DDX4: variants seen among roughly 807,000 people sequenced by gnomAD.
DDX4 encodes DEAD-box helicase 4.
A neutral mutation model predicts 100.0 loss-of-function variants in DDX4; 25 were observed. The ratio of observed to expected loss-of-function variants is 0.25; its 90% CI spans 0.18 to 0.35. The LOEUF is 0.35. DDX4 is among the 10% of genes least tolerant of loss of function. DDX4 has a pLI of 1.00. For synonymous variants in DDX4, 259 were observed against 275.7 expected (o/e 0.94, Z 0.60); for missense variants, 635 against 882.4 (o/e 0.72, Z 3.55).
chr5:55,795,208 G>A (rs1010508011), intron 17 of DDX4, among the ~76,000 whole-genome samples: 11 of 152,114 alleles, frequency 7.2e-5, no homozygotes, highest in East Asian at 3.9e-4. Flanking sequence ...CAGCTGATCC[G>A]TCCGCCTCAG....
intron 3 of DDX4, among the ~76,000 whole-genome samples, chr5:55,752,774 GGTTGA>G (rs1170429746): frequency 2.1e-5 from 3 of 143,034 alleles, no homozygotes; most frequent in Admixed American, 7.3e-5. Context: ...CTTCCACAAT[GGTTGA>G]ACTAGTTTAC....
At chr5:55,793,947 A>G (rs1262055725) in intron 17 of DDX4, among the ~76,000 whole-genome samples, 1 of 152,138 alleles carries the variant, frequency 6.6e-6, no homozygotes, top group Non-Finnish European at 1.5e-5. Context: ...CCCTGGTTTG[A>G]TAGAATGTTA....
intron 2 of DDX4, among the ~76,000 whole-genome samples, chr5:55,742,669 T>C (rs1469987258): frequency 6.6e-6 from 1 of 152,212 alleles, no homozygotes; most frequent in Non-Finnish European, 1.5e-5. Context: ...AATAATGGTT[T>C]ACAGCTAAGT....
chr5:55,773,426 G>C (rs1741371247), intron 7 of DDX4, among the ~76,000 whole-genome samples: 1 of 152,174 alleles, frequency 6.6e-6, no homozygotes, highest in Admixed American at 6.5e-5. Context: ...TGGAATTGCT[G>C]TGTCATGTGC....
intron 10 of DDX4, among the ~76,000 whole-genome samples, chr5:55,783,633 AGATGGATGGATG>A (rs59794903): frequency 2.6e-4 from 38 of 146,756 alleles, no homozygotes; most frequent in South Asian, 1.5e-3. Flanking sequence ...AGGAGGGAGG[AGATGGATGGATG>A]GATGGATGGA....
rs375657173 is a variant in DDX4 at position 55,815,102 on chromosome 5, A to C, written c.1917A>C (p.Arg639Ser). The change falls in exon 20 of 22, where the codon AGA becomes AGC. Residue 639 changes from arginine (R) to serine (S), a missense_variant. Physicochemically the swap from Arg to Ser is moderately radical, Grantham distance 110 (BLOSUM62 -1). Coordinates refer to ENST00000505374, the MANE Select transcript of DDX4 (RefSeq NM_024415.3). ...CTGGTCGTTGTGGGAATACTGGCAG[A>C]GCAATTTCCTTTTTTGATCTTGAAT... Reference protein sequence around the residue: ...GRTGRCGNTGRAISFFDLESD... With the variant: ...GRTGRCGNTGSAISFFDLESD... The C allele has an allele frequency of 9.3e-6, 15 of 1,614,102 alleles. No individual in the cohort carries two copies. The African/African-American group carries it at 1.7e-4, about 19-fold the overall frequency.
chr5:55,801,040 G>A (rs796641654), intron 18 of DDX4, among the ~76,000 whole-genome samples: 10 of 151,998 alleles, frequency 6.6e-5, no homozygotes, highest in African/African-American at 1.4e-4. Context: ...CTTTAGTTAC[G>A]AAAGGAACCA....
In DDX4 at chr5:55,781,877, T is replaced by C. The variant is rs1741933263; in HGVS notation, c.578-57T>C. The C allele has an allele frequency of 4.4e-6, 7 of 1,585,932 alleles. No individual in the cohort carries two copies. In the Admixed American group the frequency reaches 1.2e-4, roughly 27 times the overall value. ...TGAATAGAAATAACAACATGGTTTG[T>C]GTGCTTGAGCAGCAGCTGTGTTTTA... On this transcript the variant is annotated intron_variant, in intron 9 of 21. Coordinates refer to ENST00000505374, the MANE Select transcript of DDX4 (RefSeq NM_024415.3).
rs200885046 is a variant in DDX4 at position 55,779,945 on chromosome 5, G to A, written c.395-19G>A. The A allele has an allele frequency of 2.6e-4, 411 of 1,608,824 alleles. No homozygotes were observed. Among genetic ancestry groups the A allele is most frequent in the Non-Finnish European group, 3.3e-4 (388 of 1,177,698 alleles). On this transcript the variant is annotated intron_variant, in intron 7 of 21. Transcript: ENST00000505374. ...TGTTGTTGTTTTGTGTTGTTCTTGT[G>A]TGTGTTTTAACATTATAGGCTATCG...
At position 55,746,879 on chromosome 5, in the gene DDX4, T is replaced by C. The variant is rs549659613; in HGVS notation, c.127+658T>C. ...GGACTAGGCTGGGAAATTGAACTCA[T>C]GGCAGTAGTTTTTCACATTGTTGAA... On this transcript the variant is annotated intron_variant, in intron 3 of 21. Transcript: ENST00000505374. Among the ~76,000 whole-genome samples, 29 of 152,314 alleles carry C rather than the reference T, an allele frequency of 1.9e-4. 1 individual carries two copies. Among genetic ancestry groups the C allele is most frequent in the African/African-American group, 6.7e-4 (28 of 41,574 alleles).
chr5:55,795,644 G>A (rs760797488), intron 17 of DDX4, among the ~76,000 whole-genome samples: 56 of 152,050 alleles, frequency 3.7e-4, no homozygotes, highest in African/African-American at 1.0e-3. Flanking sequence ...GTGGTGACAC[G>A]CACCTGTAGG....
intron 7 of DDX4, among the ~76,000 whole-genome samples, chr5:55,774,413 A>G (rs532836653): frequency 2.0e-5 from 3 of 152,236 alleles, no homozygotes; most frequent in Admixed American, 6.5e-5. Flanking sequence ...TGGCCTTCCA[A>G]AGTGCTCGGA....
intron 2 of DDX4, among the ~76,000 whole-genome samples, chr5:55,739,777 A>G (rs1175899173): frequency 3.3e-5 from 5 of 152,184 alleles, no homozygotes; most frequent in African/African-American, 4.8e-5. Context: ...AAAATATGCA[A>G]TCTTTTGTCT....
intron 19 of DDX4, 43 bp downstream of exon 19, chr5:55,813,815 A>AT: frequency 6.7e-7 from 1 of 1,502,886 alleles, no homozygotes. Flanking sequence ...AATGACTTCT[A>AT]TTTGGTATTT....
chr5:55,760,448 TTTAC>T (rs1255595337), intron 4 of DDX4, among the ~76,000 whole-genome samples, 171 bp downstream of exon 4: 1 of 152,136 alleles, frequency 6.6e-6, no homozygotes, highest in Non-Finnish European at 1.5e-5. Flanking sequence ...TTTTTTCTGT[TTTAC>T]TTCTTTGGGA....
At chr5:55,745,173 G>T (rs1221315114) in intron 2 of DDX4, among the ~76,000 whole-genome samples, 1 of 152,120 alleles carries the variant, frequency 6.6e-6, no homozygotes, top group East Asian at 1.9e-4. Flanking sequence ...GAGCCACTGA[G>T]CCCGGCCAGT....
intron 1 of DDX4, among the ~76,000 whole-genome samples, chr5:55,738,504 C>T (rs1329535934): frequency 6.6e-6 from 1 of 152,040 alleles, no homozygotes; most frequent in African/African-American, 2.4e-5. Flanking sequence ...TACCCCTGTC[C>T]CCGCCCCCAC....
intron 18 of DDX4, among the ~76,000 whole-genome samples, chr5:55,805,780 A>G (rs2112148878): frequency 6.6e-6 from 1 of 152,264 alleles, no homozygotes; most frequent in Middle Eastern, 3.4e-3. Flanking sequence ...TTGGTCTAAA[A>G]TTCTCTTTTT....
At chr5:55,775,802 G>A (rs1291748776) in intron 7 of DDX4, among the ~76,000 whole-genome samples, 1 of 152,188 alleles carries the variant, frequency 6.6e-6, no homozygotes. Flanking sequence ...TATACCTTCT[G>A]GGAGGACTCA....
Sources: allele counts gnomAD v4.1 joint callset (sites outside exome capture counted in the v4.1 genomes callset), GRCh38; gene constraint gnomAD v4.1.1; transcripts MANE v1.5; gene names NCBI Gene and HGNC (gene_info 2026-07-23, HGNC 2026-07-21).